Variants in PATL2 observed in about 807,000 individuals in gnomAD.
PATL2 encodes the protein protein PAT1 homolog 2.
A neutral mutation model predicts 77.0 loss-of-function variants in PATL2; 73 were observed. The ratio of observed to expected loss-of-function variants is 0.95; its 90% CI spans 0.78 to 1.15. The LOEUF (loss-of-function observed/expected upper bound fraction) is 1.15, where lower values mean the gene tolerates loss of function less well. PATL2 is among the 50% of genes most tolerant of loss of function. PATL2 has a pLI of 0.00. For missense variants in PATL2, 618 were observed against 655.4 expected (o/e 0.94, Z 0.62); for synonymous variants, 265 against 257.1 (o/e 1.03, Z -0.29).
In PATL2 at chr15:44,669,537, C is replaced by T. The variant is rs767833537; in HGVS notation, c.903G>A (p.Arg301=). 6.4e-7 allele frequency: 1 copy of T among 1,551,260 alleles called. No homozygotes were observed. The highest frequency in any genetic ancestry group is 8.7e-7 in the Non-Finnish European group (1 of 1,146,920). ...EQDIEAASSQ[R]LRVLYRIEKM... is the part of the protein sequence containing the mutation. ...TCTCAATCCGGTATAATACCCGAAGCCTCTGACTGCTTGCAGCTTCTATAT... is the reference window on the plus strand; with the variant it reads ...TCTCAATCCGGTATAATACCCGAAGTCTCTGACTGCTTGCAGCTTCTATAT... The change falls in exon 12 of 18, where the codon AGG becomes AGA. Residue 301 remains arginine, a synonymous_variant. Coordinates refer to ENST00000682850, the MANE Select transcript of PATL2 (RefSeq NM_001387263.1).
chr15:44,691,766 A>G (rs1038853461), intron 3 of PATL2, among the ~76,000 whole-genome samples: 1 of 152,148 alleles, frequency 6.6e-6, no homozygotes, highest in African/African-American at 2.4e-5. Context: ...AGAAAAGGCC[A>G]GCCTAGGCAA....
At chr15:44,675,190 A>G in intron 5 of PATL2, 1 of 354,552 alleles carries the variant, frequency 2.8e-6, no homozygotes, top group East Asian at 5.4e-5. Flanking sequence ...AGAGGGGCCC[A>G]GGATCAGGCA....
chr15:44,702,020 C>T (rs2086640653), intron 3 of PATL2, among the ~76,000 whole-genome samples: 1 of 152,018 alleles, frequency 6.6e-6, no homozygotes. Flanking sequence ...ATCACCAGGC[C>T]CCACCTCCAA....
chr15:44,691,573 G>A (rs2086392627), intron 3 of PATL2, among the ~76,000 whole-genome samples: 1 of 151,628 alleles, frequency 6.6e-6, no homozygotes, highest in African/African-American at 2.4e-5. Flanking sequence ...CACAAGAATT[G>A]CTTGAACTCA....
At chr15:44,710,476 G>T (rs535852813) in intron 2 of PATL2, among the ~76,000 whole-genome samples, 4 of 152,222 alleles carry the variant, frequency 2.6e-5, no homozygotes, top group African/African-American at 9.6e-5. Context: ...TCCTTGGCTG[G>T]GTCCAAGGCA....
Position 44,675,599 on chromosome 15 carries a change from C to T in PATL2, c.109G>A (p.Glu37Lys). 1 of 1,550,792 alleles carries T rather than the reference C, an allele frequency of 6.4e-7. No homozygotes were observed. The highest frequency in any genetic ancestry group is 8.7e-7 in the Non-Finnish European group (1 of 1,146,478). ...TCCTCCTCGTCCTCCTCCTCTTCCT[C>T]CTCCTCCCCTTCATTCTCTTCTTCT... ...EKEEENEGEE[E>K]EEEEDEEDLD... Residue 37 changes from glutamate to lysine, a missense_variant, in exon 5 of 18, where the codon GAG becomes AAG. Physicochemically the swap from Glu to Lys is moderately conservative, Grantham distance 56 (BLOSUM62 1). Coordinates refer to ENST00000682850, the MANE Select transcript of PATL2 (RefSeq NM_001387263.1).
chr15:44,702,238 G>A (rs754690008), intron 3 of PATL2, among the ~76,000 whole-genome samples: 1 of 149,270 alleles, frequency 6.7e-6, no homozygotes, highest in Non-Finnish European at 1.5e-5. Context: ...GTCTAGGAAT[G>A]TATCCATTTC....
At position 44,700,914 on chromosome 15, in the gene PATL2, G is replaced by A. The variant is rs1405163097; in HGVS notation, c.-76+9182C>T. Reference sequence around the variant, plus strand: ...ATACTAGCTGTGGGTTTGTCATATAGCTTTTACTGTGTTGAGGTATGTTCC... The same window carrying A: ...ATACTAGCTGTGGGTTTGTCATATAACTTTTACTGTGTTGAGGTATGTTCC... On this transcript the variant is annotated intron_variant, in intron 3 of 17. Coordinates refer to ENST00000682850, the MANE Select transcript of PATL2 (RefSeq NM_001387263.1). Among the ~76,000 whole-genome samples, 9 of 152,104 alleles carry A rather than the reference G, an allele frequency of 5.9e-5. No homozygotes were observed. In the East Asian group the frequency reaches 1.7e-3, roughly 29 times the overall value.
In PATL2 at chr15:44,676,512, C is replaced by T. The variant is rs2141214222; in HGVS notation, c.-22G>A. ...TCATCTTGGCAGGCTGGTGGACTTCCTTCTTAGCCGTGTCCTCCAGTGAAA... is the reference window on the plus strand; with the variant it reads ...TCATCTTGGCAGGCTGGTGGACTTCTTTCTTAGCCGTGTCCTCCAGTGAAA... On this transcript the variant is annotated 5_prime_UTR_variant, in exon 4 of 18. Transcript: ENST00000682850. 6.4e-7 allele frequency: 1 copy of T among 1,551,450 alleles called. No homozygotes were observed. Among genetic ancestry groups the T allele is most frequent in the Non-Finnish European group, 8.7e-7 (1 of 1,146,838 alleles).
chr15:44,701,304 T>C (rs1001211102), intron 3 of PATL2, among the ~76,000 whole-genome samples: 1 of 151,894 alleles, frequency 6.6e-6, no homozygotes, highest in Non-Finnish European at 1.5e-5. Flanking sequence ...AAGGTAATAC[T>C]GGCCACGTAG....
intron 3 of PATL2, among the ~76,000 whole-genome samples, chr15:44,691,464 C>T: frequency 6.6e-6 from 1 of 152,062 alleles, no homozygotes; most frequent in Non-Finnish European, 1.5e-5. Flanking sequence ...TCGAGACCAG[C>T]CTCACCAACA....
In PATL2 at chr15:44,675,485, C is replaced by T. The variant is rs773108269; in HGVS notation, c.222+1G>A. 3.2e-6 allele frequency: 5 copies of T among 1,550,592 alleles called. No individual in the cohort carries two copies. The highest frequency in any genetic ancestry group is 1.4e-5 in the African/African-American group (1 of 73,050). On this transcript the variant is annotated splice_donor_variant, in intron 5 of 17. Transcript: ENST00000682850. LOFTEE classifies it high-confidence loss of function. ...TCTCCCATTCCCTTCTGCCATGGTA[C>T]CTGGGTGTTGTGGACAGCACCAAGT...
At chr15:44,708,001 A>G (rs1406700080) in intron 3 of PATL2, among the ~76,000 whole-genome samples, 1 of 152,206 alleles carries the variant, frequency 6.6e-6, no homozygotes, top group South Asian at 2.1e-4. Flanking sequence ...GCTTTGTGCT[A>G]TGACTGGGCA....
At chr15:44,691,891 C>T (rs187841427) in intron 3 of PATL2, among the ~76,000 whole-genome samples, 165 of 151,616 alleles carry the variant, frequency 1.1e-3, no homozygotes, top group African/African-American at 3.6e-3. Flanking sequence ...AGATAAATAT[C>T]GTCCTTATTT....
intron 3 of PATL2, among the ~76,000 whole-genome samples, chr15:44,682,309 C>T (rs1595976884): frequency 6.6e-6 from 1 of 152,210 alleles, no homozygotes; most frequent in African/African-American, 2.4e-5. Context: ...AGGCTTTTCC[C>T]TTCCAGCCTG....
chr15:44,708,246 A>T (rs1233378625), intron 3 of PATL2, among the ~76,000 whole-genome samples: 1 of 152,080 alleles, frequency 6.6e-6, no homozygotes, highest in East Asian at 1.9e-4. Context: ...TTTTGTGTGG[A>T]TCATTATTCA....
At chr15:44,704,940 T>C (rs758921944) in intron 3 of PATL2, among the ~76,000 whole-genome samples, 27 of 152,236 alleles carry the variant, frequency 1.8e-4, no homozygotes, top group Non-Finnish European at 4.4e-5. Flanking sequence ...AGCTCCATGG[T>C]ATGTTATTTG....
At position 44,665,831 on chromosome 15, in the gene PATL2, T is replaced by G. The variant is rs1566844523; in HGVS notation, c.*122A>C. On this transcript the variant is annotated 3_prime_UTR_variant, in exon 18 of 18. Coordinates refer to ENST00000682850, the MANE Select transcript of PATL2 (RefSeq NM_001387263.1). ...GAAAGGATATGAAAATGGGGAAGGG[T>G]TCTCCAATATATAAAGGCATAAGAA... 1 of 1,534,456 alleles carries G rather than the reference T, an allele frequency of 6.5e-7. No homozygotes were observed. Among genetic ancestry groups the G allele is most frequent in the Non-Finnish European group, 8.8e-7 (1 of 1,141,212 alleles).
intron 3 of PATL2, among the ~76,000 whole-genome samples, chr15:44,702,556 G>T (rs1003503285): frequency 2.0e-5 from 3 of 151,258 alleles, no homozygotes; most frequent in Non-Finnish European, 4.4e-5. Flanking sequence ...TGCTTTTCTA[G>T]TTCTTTGAAA....
Sources: gnomAD v4.1 joint callset for allele counts (sites outside exome capture counted in the v4.1 genomes callset) on GRCh38, gnomAD v4.1.1 for gene constraint, MANE v1.5 for transcripts, NCBI Gene and HGNC (gene_info 2026-07-23, HGNC 2026-07-21) for gene names.